DCC: variants seen among roughly 807,000 people sequenced by gnomAD.
The protein encoded by DCC is netrin receptor DCC.
Under a neutral mutation model 172.5 loss-of-function variants are expected in DCC, and 58 were observed. The observed-to-expected ratio is 0.34, with a 90% CI of 0.27 to 0.42. The LOEUF (loss-of-function observed/expected upper bound fraction) is 0.42. Ranked by LOEUF, DCC falls within the 10% of genes least tolerant of loss-of-function variation. DCC has a pLI of 1.00. For missense variants in DCC, 1,740 were observed against 1,791.0 expected, an observed-to-expected ratio of 0.97 and a Z score of 0.51; for synonymous variants, 709 against 644.5, an observed-to-expected ratio of 1.10 and a Z score of -1.52.
chr18:53,190,987 G>A (rs868700815), intron 9 of DCC, among the ~76,000 whole-genome samples: 9 of 152,222 alleles, frequency 5.9e-5, no homozygotes, highest in Middle Eastern at 6.8e-3. Context: ...CAGCTTTGGT[G>A]AGATTAAGCC....
At chr18:53,281,563 G>A (rs2144729092) in intron 12 of DCC, among the ~76,000 whole-genome samples, 1 of 152,188 alleles carries the variant, frequency 6.6e-6, no homozygotes, top group Middle Eastern at 3.4e-3. Context: ...TCTGACTTCT[G>A]GACTTGTGTC....
Position 52,695,355 on chromosome 18 carries a change from T to G in DCC, c.92-56699T>G, listed in dbSNP as rs77280636. Among the ~76,000 whole-genome samples the G allele has an allele frequency of 3.1e-3, 479 of 152,326 alleles. 8 individuals are homozygous for G. The highest frequency in any genetic ancestry group is 0.021 in the East Asian group (111 of 5,186). ...TTTGAGTGTTAGGACTTTTCCAGCCTCCTGAAACTCTTCAATTATTAATGA... is the reference window on the plus strand; with the variant it reads ...TTTGAGTGTTAGGACTTTTCCAGCCGCCTGAAACTCTTCAATTATTAATGA... On this transcript the variant is annotated intron_variant, in intron 1 of 28. Transcript: ENST00000442544.
chr18:53,475,951 C>T (rs2045757020), intron 25 of DCC, among the ~76,000 whole-genome samples: 1 of 152,164 alleles, frequency 6.6e-6, no homozygotes, highest in African/African-American at 2.4e-5. Flanking sequence ...TGGGAACCCA[C>T]CTCTTGCATC....
At chr18:52,700,254 G>A (rs1568050018) in intron 1 of DCC, among the ~76,000 whole-genome samples, 1 of 129,398 alleles carries the variant, frequency 7.7e-6, no homozygotes, top group Admixed American at 7.7e-5. Context: ...ACTCACACAC[G>A]CACATCCACA....
At chr18:53,125,177 A>G (rs1230599583) in intron 7 of DCC, among the ~76,000 whole-genome samples, 3 of 152,104 alleles carry the variant, frequency 2.0e-5, no homozygotes, top group African/African-American at 7.2e-5. Context: ...CTGGCACATA[A>G]TAATTTGCTG....
intron 11 of DCC, among the ~76,000 whole-genome samples, chr18:53,209,175 G>A (rs2055707118): frequency 6.6e-6 from 1 of 152,162 alleles, no homozygotes; most frequent in South Asian, 2.1e-4. Context: ...CCATAAAAGA[G>A]AGGAACAAAT....
intron 1 of DCC, among the ~76,000 whole-genome samples, chr18:52,432,637 G>T (rs1178906539): frequency 4.6e-5 from 7 of 152,088 alleles, no homozygotes; most frequent in Non-Finnish European, 1.0e-4. Flanking sequence ...TTGCATAAAT[G>T]GTTCTTTAAT....
chr18:53,061,618 T>A (rs896017200), intron 5 of DCC, among the ~76,000 whole-genome samples: 13 of 152,162 alleles, frequency 8.5e-5, no homozygotes, highest in Admixed American at 8.5e-4. Context: ...GCTCTGGAAG[T>A]ATTATTGCAG....
chr18:53,138,780 G>A (rs1442944599), intron 7 of DCC, among the ~76,000 whole-genome samples: 1 of 152,154 alleles, frequency 6.6e-6, no homozygotes, highest in Non-Finnish European at 1.5e-5. Context: ...GAATAAAGCT[G>A]CTACTCTGAT....
chr18:52,983,426 G>T (rs1239670801), intron 5 of DCC, among the ~76,000 whole-genome samples: 1 of 152,074 alleles, frequency 6.6e-6, no homozygotes, highest in Non-Finnish European at 1.5e-5. Context: ...TATCCTATCT[G>T]GGAAAATGGG....
intron 1 of DCC, among the ~76,000 whole-genome samples, chr18:52,552,797 A>G (rs2032811653): frequency 6.6e-6 from 1 of 152,126 alleles, no homozygotes; most frequent in Non-Finnish European, 1.5e-5. Flanking sequence ...TGACATGTGT[A>G]GATGTAGGCT....
rs537630970 is a variant in DCC, at chr18:53,013,418, A to G, written c.986-49887A>G. On this transcript the variant is annotated intron_variant, in intron 5 of 28. Transcript: ENST00000442544. ...AGAGACGTGGGTGAAGCTGGAAACC[A>G]TCATCCTCAGCAAACTAACACAGAA... Among the ~76,000 whole-genome samples the G allele has an allele frequency of 4.6e-5, 7 of 152,218 alleles. 1 individual carries two copies. The South Asian group carries it at 1.5e-3, about 32-fold the overall frequency.
Position 53,202,154 on chromosome 18 carries a change from T to C in DCC, c.1574-3062T>C, listed in dbSNP as rs138152413. 5.9e-5 allele frequency among the ~76,000 whole-genome samples: 9 copies of C among 152,240 alleles called. No homozygotes were observed. In the East Asian group the frequency reaches 1.2e-3, roughly 20 times the overall value. ...ATTCAAATATTTGTCTTTATACCATTCCCCACTAAAAGAACCAGAAAACCT... is the reference window on the plus strand; with the variant it reads ...ATTCAAATATTTGTCTTTATACCATCCCCCACTAAAAGAACCAGAAAACCT... On this transcript the variant is annotated intron_variant, in intron 9 of 28. Coordinates refer to ENST00000442544, the MANE Select transcript of DCC (RefSeq NM_005215.4).
At position 53,532,765 on chromosome 18, in the gene DCC, C is replaced by A. The variant is rs988959387; in HGVS notation, c.*2112C>A. ...GCTCAGTTTGGAATAGGTTGCAAAT[C>A]TCAGATTTTAGGGATTGAGTCACAC... On this transcript the variant is annotated 3_prime_UTR_variant, in exon 29 of 29. Transcript: ENST00000442544. 6.7e-6 allele frequency: 1 copy of A among 150,374 alleles called. No individual in the cohort carries two copies. Among genetic ancestry groups the A allele is most frequent in the Non-Finnish European group, 1.5e-5 (1 of 67,874 alleles). The allele number at this position is 150,374 out of a possible 1,614,324, so 9.3% of individuals were successfully genotyped here.
chr18:53,234,417 G>A (rs2056169974), intron 12 of DCC, among the ~76,000 whole-genome samples: 1 of 151,922 alleles, frequency 6.6e-6, no homozygotes, highest in South Asian at 2.1e-4. Flanking sequence ...GATAGAGTAA[G>A]ACCCTGTCTC....
At chr18:53,192,469 A>G (rs2055380321) in intron 9 of DCC, among the ~76,000 whole-genome samples, 3 of 152,198 alleles carry the variant, frequency 2.0e-5, no homozygotes, top group Admixed American at 1.3e-4. Context: ...AGTCCCTAAA[A>G]AAAGATCAAG....
chr18:53,463,851 G>C (rs140512869), intron 24 of DCC, among the ~76,000 whole-genome samples: 1 of 152,216 alleles, frequency 6.6e-6, no homozygotes, highest in Admixed American at 6.5e-5. Context: ...CCAGAAATTA[G>C]TTTACAGTAT....
At chr18:53,322,829 C>G (rs2057428151) in intron 14 of DCC, among the ~76,000 whole-genome samples, 1 of 151,262 alleles carries the variant, frequency 6.6e-6, no homozygotes, top group Admixed American at 6.6e-5. Flanking sequence ...AATGAAGTGA[C>G]AGAATAAAAC....
intron 5 of DCC, among the ~76,000 whole-genome samples, chr18:52,944,194 C>T (rs559123952): frequency 2.0e-5 from 3 of 152,282 alleles, no homozygotes; most frequent in Admixed American, 6.5e-5. Context: ...GAAGAAGAGA[C>T]GCTTCCCTGG....
Sources: allele counts gnomAD v4.1 joint callset (sites outside exome capture counted in the v4.1 genomes callset), GRCh38; gene constraint gnomAD v4.1.1; transcripts MANE v1.5; gene names NCBI Gene and HGNC (gene_info 2026-07-23, HGNC 2026-07-21).